Variants in NR3C2 observed in about 807,000 individuals in gnomAD.
NR3C2 encodes mineralocorticoid receptor.
Under a neutral mutation model 86.4 loss-of-function variants are expected in NR3C2, and 15 were observed. That is an observed-to-expected ratio of 0.17 (90% CI 0.12 to 0.27). NR3C2 has a LOEUF of 0.27. Ranked by LOEUF, NR3C2 falls within the 10% of genes least tolerant of loss-of-function variation. The probability of loss-of-function intolerance (pLI) is 1.00; values close to 1 mark genes in which losing one functional copy is unlikely to be tolerated. For synonymous variants in NR3C2, 458 were observed against 450.5 expected, an observed-to-expected ratio of 1.02 and a Z score of -0.21; for missense variants, 960 against 1,195.6, an observed-to-expected ratio of 0.80 and a Z score of 2.91.
intron 3 of NR3C2, among the ~76,000 whole-genome samples, chr4:148,233,535 T>C (rs1020619213): frequency 2.6e-5 from 4 of 151,944 alleles, no homozygotes; most frequent in Middle Eastern, 3.2e-3. Context: ...TAATTTTGTA[T>C]GTTTTGTAGA....
At chr4:148,247,099 A>C (rs1739355294) in intron 3 of NR3C2, among the ~76,000 whole-genome samples, 1 of 152,214 alleles carries the variant, frequency 6.6e-6, no homozygotes, top group African/African-American at 2.4e-5. Context: ...AGTTATGATA[A>C]AGACAGAACA....
chr4:148,277,848 C>T (rs1327549953), intron 2 of NR3C2, among the ~76,000 whole-genome samples: 1 of 152,084 alleles, frequency 6.6e-6, no homozygotes, highest in Non-Finnish European at 1.5e-5. Context: ...CACCCAAAGC[C>T]AAATGCACAG....
chr4:148,432,386 G>A (rs1022961911), intron 2 of NR3C2, among the ~76,000 whole-genome samples: 1 of 152,112 alleles, frequency 6.6e-6, no homozygotes, highest in South Asian at 2.1e-4. Flanking sequence ...TTAAAGGTTA[G>A]TTTCAATGTG....
intron 2 of NR3C2, among the ~76,000 whole-genome samples, chr4:148,341,388 T>C (rs9992528): frequency 0.29 from 44,128 of 151,994 alleles, 7,110 homozygotes; most frequent in Middle Eastern, 0.43. Flanking sequence ...CTCACTCATA[T>C]GTGGGAACTT....
chr4:148,368,298 A>C (rs1306386851), intron 2 of NR3C2: 1 of 152,100 alleles, frequency 6.6e-6, no homozygotes, highest in African/African-American at 2.4e-5. Context: ...GTTTCAGCTT[A>C]AAAATCCCTT....
At chr4:148,238,884 C>T (rs1338145364) in intron 3 of NR3C2, among the ~76,000 whole-genome samples, 4 of 152,170 alleles carry the variant, frequency 2.6e-5, no homozygotes, top group Admixed American at 6.5e-5. Flanking sequence ...AAGGAAGCTT[C>T]GGCCACCTCT....
intron 2 of NR3C2, among the ~76,000 whole-genome samples, chr4:148,327,475 T>C (rs752352299): frequency 2.0e-5 from 3 of 152,192 alleles, no homozygotes; most frequent in Non-Finnish European, 4.4e-5. Context: ...GGACAATTAC[T>C]GTGGCAACTG....
chr4:148,402,054 A>T (rs543284354), intron 2 of NR3C2, among the ~76,000 whole-genome samples: 1 of 152,290 alleles, frequency 6.6e-6, no homozygotes, highest in Non-Finnish European at 1.5e-5. Flanking sequence ...GTGGTACATG[A>T]TCTTCAGTAT....
chr4:148,267,926 T>G (rs1740479107), intron 2 of NR3C2, among the ~76,000 whole-genome samples: 1 of 150,122 alleles, frequency 6.7e-6, no homozygotes, highest in African/African-American at 2.4e-5. Flanking sequence ...AGGCTTATAT[T>G]TTGAGTCACA....
intron 2 of NR3C2, among the ~76,000 whole-genome samples, chr4:148,380,821 G>A (rs916275472): frequency 9.2e-5 from 14 of 152,014 alleles, no homozygotes; most frequent in African/African-American, 3.4e-4. Flanking sequence ...TACATATTTA[G>A]ACCTCATTAA....
At chr4:148,326,659 G>T (rs1213788881) in intron 2 of NR3C2, among the ~76,000 whole-genome samples, 3 of 151,340 alleles carry the variant, frequency 2.0e-5, no homozygotes, top group Non-Finnish European at 2.9e-5. Context: ...TTTTTCTTTA[G>T]GGCTTGCAGG....
At chr4:148,254,122 T>A (rs568706801) in intron 3 of NR3C2, among the ~76,000 whole-genome samples, 47 of 152,194 alleles carry the variant, frequency 3.1e-4, no homozygotes, top group Admixed American at 1.2e-3. Context: ...TCTAGGTCCA[T>A]CCTAGGTCAT....
At chr4:148,311,342 C>T (rs1473595002) in intron 2 of NR3C2, among the ~76,000 whole-genome samples, 1 of 152,164 alleles carries the variant, frequency 6.6e-6, no homozygotes, top group Non-Finnish European at 1.5e-5. Flanking sequence ...GCTGAGAAAA[C>T]ATACTTCTCA....
At chr4:148,093,608 G>C (rs906073692) in intron 8 of NR3C2, among the ~76,000 whole-genome samples, 2 of 152,138 alleles carry the variant, frequency 1.3e-5, no homozygotes, top group African/African-American at 4.8e-5. Flanking sequence ...GATATGTTGG[G>C]GTTAGGGCAA....
intron 4 of NR3C2, among the ~76,000 whole-genome samples, chr4:148,161,522 T>G (rs1348238331): frequency 6.6e-6 from 1 of 152,078 alleles, no homozygotes; most frequent in African/African-American, 2.4e-5. Flanking sequence ...GCTAATTTTT[T>G]TTAAATATTT....
At chr4:148,184,035 T>A (rs373189506) in intron 4 of NR3C2, among the ~76,000 whole-genome samples, 2 of 152,070 alleles carry the variant, frequency 1.3e-5, no homozygotes, top group Admixed American at 1.3e-4. Context: ...CACCCTACTA[T>A]GCACAGGACA....
At chr4:148,399,211 A>G (rs1014290804) in intron 2 of NR3C2, among the ~76,000 whole-genome samples, 2 of 151,906 alleles carry the variant, frequency 1.3e-5, no homozygotes, top group African/African-American at 4.8e-5. Context: ...TTGTACTCAG[A>G]CTCCAGAGAT....
At chr4:148,372,140 G>C (rs1746452886) in intron 2 of NR3C2, among the ~76,000 whole-genome samples, 1 of 152,038 alleles carries the variant, frequency 6.6e-6, no homozygotes, top group Non-Finnish European at 1.5e-5. Flanking sequence ...CTTTAAACTA[G>C]AATGTATTTA....
chr4:148,396,297 A>T (rs530099197), intron 2 of NR3C2, among the ~76,000 whole-genome samples: 2 of 152,246 alleles, frequency 1.3e-5, no homozygotes, highest in Admixed American at 1.3e-4. Flanking sequence ...ATATGTTAGT[A>T]CTTACGAGTA....
Sources: gnomAD v4.1 joint callset for allele counts (sites outside exome capture counted in the v4.1 genomes callset) on GRCh38, gnomAD v4.1.1 for gene constraint, MANE v1.5 for transcripts, NCBI Gene and HGNC (gene_info 2026-07-23, HGNC 2026-07-21) for gene names.